The following CNTN5 variants were observed in gnomAD, a reference collection of about 807,000 sequenced individuals.
CNTN5 encodes the protein contactin-5.
A neutral mutation model predicts 129.1 loss-of-function variants in CNTN5; 77 were observed. The ratio of observed to expected loss-of-function variants is 0.60; its 90% CI spans 0.50 to 0.72. The LOEUF (loss-of-function observed/expected upper bound fraction) is 0.72. CNTN5 is among the 30% of genes least tolerant of loss of function. The pLI is 0.00. For missense variants in CNTN5, 1,478 were observed against 1,328.8 expected (o/e 1.11, Z -1.75); for synonymous variants, 509 against 465.6 (o/e 1.09, Z -1.20).
At chr11:99,492,995 G>A (rs1189830203) in intron 2 of CNTN5, among the ~76,000 whole-genome samples, 1 of 152,158 alleles carries the variant, frequency 6.6e-6, no homozygotes, top group East Asian at 1.9e-4. Context: ...CTCCTTTAAA[G>A]GAAGGTCAGA....
chr11:100,051,805 C>T (rs1942967227), intron 9 of CNTN5, among the ~76,000 whole-genome samples: 1 of 151,708 alleles, frequency 6.6e-6, no homozygotes, highest in Non-Finnish European at 1.5e-5. Flanking sequence ...TACAGGAAGG[C>T]AATGTTAACT....
chr11:100,351,810 T>C (rs564906621), intron 24 of CNTN5, among the ~76,000 whole-genome samples: 2 of 151,708 alleles, frequency 1.3e-5, no homozygotes, highest in South Asian at 2.1e-4. Flanking sequence ...AGCAGAATTA[T>C]CAACCTACAG....
intron 16 of CNTN5, among the ~76,000 whole-genome samples, chr11:100,231,807 A>T (rs1391865188): frequency 6.6e-6 from 1 of 152,210 alleles, no homozygotes; most frequent in Admixed American, 6.5e-5. Flanking sequence ...ACTGGCCTTG[A>T]CATCCAGATT....
chr11:99,861,796 T>G (rs1948215584), intron 6 of CNTN5, among the ~76,000 whole-genome samples: 1 of 152,194 alleles, frequency 6.6e-6, no homozygotes, highest in African/African-American at 2.4e-5. Context: ...AAAAGAAGGC[T>G]TACCTTTAGA....
chr11:100,165,114 T>G (rs746427488), intron 13 of CNTN5, among the ~76,000 whole-genome samples: 1 of 151,600 alleles, frequency 6.6e-6, no homozygotes, highest in Non-Finnish European at 1.5e-5. Flanking sequence ...CAGGACTAGA[T>G]GGGTGGCAGC....
At chr11:99,093,914 A>G (rs756266226) in intron 1 of CNTN5, among the ~76,000 whole-genome samples, 36 of 152,112 alleles carry the variant, frequency 2.4e-4, no homozygotes, top group Middle Eastern at 6.8e-3. Flanking sequence ...CCTCATGGCC[A>G]TACTCGATCA....
intron 2 of CNTN5, among the ~76,000 whole-genome samples, chr11:99,360,232 T>C (rs948308654): frequency 6.6e-6 from 1 of 152,186 alleles, no homozygotes; most frequent in Non-Finnish European, 1.5e-5. Flanking sequence ...AGGCAGTTCA[T>C]GTAGCAGCTC....
At chr11:99,888,993 G>T (rs34076565) in intron 6 of CNTN5, among the ~76,000 whole-genome samples, 3 of 151,628 alleles carry the variant, frequency 2.0e-5, no homozygotes, top group Non-Finnish European at 2.9e-5. Flanking sequence ...GGAGGGTTCA[G>T]TTATTTAATT....
At chr11:99,715,964 T>G (rs1369263422) in intron 3 of CNTN5, among the ~76,000 whole-genome samples, 6 of 152,098 alleles carry the variant, frequency 3.9e-5, no homozygotes, top group Non-Finnish European at 7.4e-5. Context: ...GAATATAAAT[T>G]TATTTCCCAA....
chr11:99,801,439 AGTT>A (rs1591209148), intron 3 of CNTN5, among the ~76,000 whole-genome samples: 1 of 152,280 alleles, frequency 6.6e-6, no homozygotes, highest in East Asian at 1.9e-4. Flanking sequence ...AGTATCTTGC[AGTT>A]GTTCTCTGGA....
Position 100,074,194 on chromosome 11 carries a change from A to T in CNTN5, c.1480A>T (p.Thr494Ser). 6.2e-7 allele frequency: 1 copy of T among 1,612,684 alleles called. No individual in the cohort carries two copies. Among genetic ancestry groups the T allele is most frequent in the Non-Finnish European group, 8.5e-7 (1 of 1,179,240 alleles). ...TCAACTGAAGAAAACAATAATTGTTACCAAAGACCAAGAAGTTGTCATAGA... is the reference window on the plus strand; with the variant it reads ...TCAACTGAAGAAAACAATAATTGTTTCCAAAGACCAAGAAGTTGTCATAGA... ...LNQLKKTIIV[T>S]KDQEVVIECK... is the part of the protein sequence containing the mutation. The change falls in exon 13 of 25, where the codon ACC (threonine) becomes TCC (serine). Residue 494 changes from threonine to serine, a missense_variant. Transcript: ENST00000524871.
intron 13 of CNTN5, among the ~76,000 whole-genome samples, chr11:100,169,910 T>C (rs1400117014): frequency 6.6e-6 from 1 of 151,974 alleles, no homozygotes; most frequent in African/African-American, 2.4e-5. Flanking sequence ...TCTAGTCTCA[T>C]GACCTTTTTA....
At chr11:99,805,061 T>C (rs1946227553) in intron 3 of CNTN5, among the ~76,000 whole-genome samples, 1 of 152,142 alleles carries the variant, frequency 6.6e-6, no homozygotes, top group South Asian at 2.1e-4. Flanking sequence ...AAATGGAATA[T>C]ATAAATTTCG....
At chr11:99,976,718 A>G (rs1452101001) in intron 8 of CNTN5, among the ~76,000 whole-genome samples, 1 of 152,218 alleles carries the variant, frequency 6.6e-6, no homozygotes, top group Non-Finnish European at 1.5e-5. Context: ...GCAACTGGCC[A>G]CCAGGCATGG....
intron 20 of CNTN5, among the ~76,000 whole-genome samples, chr11:100,302,568 A>G (rs1378932272): frequency 6.6e-6 from 1 of 151,538 alleles, no homozygotes; most frequent in Non-Finnish European, 1.5e-5. Context: ...TACCAGATAC[A>G]TGCCTTAAGC....
intron 1 of CNTN5, among the ~76,000 whole-genome samples, chr11:99,206,887 C>G (rs1226844018): frequency 6.6e-6 from 1 of 151,818 alleles, no homozygotes; most frequent in Non-Finnish European, 1.5e-5. Flanking sequence ...AAAGTAAACC[C>G]CAAAAAGCAA....
intron 6 of CNTN5, among the ~76,000 whole-genome samples, chr11:99,905,257 G>T (rs1013241709): frequency 2.0e-5 from 3 of 152,128 alleles, no homozygotes; most frequent in African/African-American, 4.8e-5. Flanking sequence ...TTCTTCAAGG[G>T]TTTTTGTGGT....
intron 1 of CNTN5, among the ~76,000 whole-genome samples, chr11:99,220,809 G>C (rs1048079567): frequency 2.6e-5 from 4 of 151,700 alleles, no homozygotes; most frequent in South Asian, 4.1e-4. Context: ...AAATCAACCT[G>C]ACGCAATACA....
intron 1 of CNTN5, among the ~76,000 whole-genome samples, chr11:99,236,873 G>T (rs1861299018): frequency 6.6e-6 from 1 of 151,938 alleles, no homozygotes; most frequent in African/African-American, 2.4e-5. Context: ...CTCGGAGTCT[G>T]CCCAGTGCAT....
Sources: gnomAD v4.1 joint callset for allele counts (sites outside exome capture counted in the v4.1 genomes callset) on GRCh38, gnomAD v4.1.1 for gene constraint, MANE v1.5 for transcripts, NCBI Gene and HGNC (gene_info 2026-07-23, HGNC 2026-07-21) for gene names.